The following ZNF33B variants were observed in gnomAD, a reference collection of about 807,000 sequenced individuals.
ZNF33B encodes zinc finger protein 33B.
ZNF33B carries 29 observed loss-of-function variants against 45.8 expected under a neutral mutation model. The ratio of observed to expected loss-of-function variants is 0.63; its 90% CI spans 0.47 to 0.86. The LOEUF (loss-of-function observed/expected upper bound fraction) is 0.86, where lower values mean the gene tolerates loss of function less well. Among genes scored for constraint, ZNF33B ranks in the 40% least tolerant of loss-of-function variants. The probability of loss-of-function intolerance (pLI) is 0.00; values close to 1 mark genes in which losing one functional copy is unlikely to be tolerated. For missense variants in ZNF33B, 831 were observed against 909.9 expected, an observed-to-expected ratio of 0.91 and a Z score of 1.12; for synonymous variants, 305 against 307.8, an observed-to-expected ratio of 0.99 and a Z score of 0.10.
intron 4 of ZNF33B, among the ~76,000 whole-genome samples, chr10:42,598,432 C>G (rs982112712): frequency 6.6e-6 from 1 of 152,242 alleles, no homozygotes; most frequent in African/African-American, 2.4e-5. Flanking sequence ...CACCCACACA[C>G]AATTCCAGAA....
At chr10:42,584,525 C>T (rs1418906355), downstream of ZNF33B, among the ~76,000 whole-genome samples, 20 of 143,892 alleles carry the variant, frequency 1.4e-4, no homozygotes, top group Non-Finnish European at 1.5e-5. Flanking sequence ...TTCCTTTGAG[C>T]TTTTTTTTTT....
intron 1 of ZNF33B, among the ~76,000 whole-genome samples, chr10:42,581,425 T>C (rs559254685): frequency 4.2e-5 from 6 of 142,372 alleles, no homozygotes; most frequent in East Asian, 2.1e-4. Context: ...GATCGCACCA[T>C]TGCACTCCAG....
At chr10:42,629,873 G>A (rs1177138672) in intron 4 of ZNF33B, among the ~76,000 whole-genome samples, 3 of 152,102 alleles carry the variant, frequency 2.0e-5, no homozygotes, top group East Asian at 1.9e-4. Context: ...ATGTACATAT[G>A]TAAGTTATCA....
chr10:42,607,582 T>C (rs761890372), intron 4 of ZNF33B, among the ~76,000 whole-genome samples: 3 of 151,950 alleles, frequency 2.0e-5, no homozygotes, highest in African/African-American at 4.8e-5. Context: ...ATAAAAGGAA[T>C]AGAGTATCAA....
intron 4 of ZNF33B, among the ~76,000 whole-genome samples, chr10:42,613,457 A>G (rs7097647): frequency 0.041 from 6,167 of 152,150 alleles, 188 homozygotes; most frequent in Non-Finnish European, 0.057. Context: ...CTGAAGCAGG[A>G]GAAATACCTG....
chr10:42,580,484 C>G (rs1236405338), intron 1 of ZNF33B, among the ~76,000 whole-genome samples: 7 of 151,662 alleles, frequency 4.6e-5, no homozygotes, highest in African/African-American at 1.5e-4. Context: ...GTGATCCCCC[C>G]ACCTTGGCCT....
Position 42,638,546 on chromosome 10 carries a change from C to T in ZNF33B, c.-117G>A, listed in dbSNP as rs1191673227. 6.3e-6 allele frequency: 3 copies of T among 479,062 alleles called. No homozygotes were observed. Among genetic ancestry groups the T allele is most frequent in the African/African-American group, 2.0e-5 (1 of 50,750 alleles). 29.7% of individuals were successfully genotyped at this position (479,062 alleles called of 1,614,324 possible). A position where few individuals can be genotyped will look rare whatever the true frequency, so the allele number is the denominator to read the frequency against. Reference sequence around the variant, plus strand: ...CCTGAAATCCCGGGACCGCCTCCCACGCAAAACGTGAGACAAACAAAAGGA... The same window carrying T: ...CCTGAAATCCCGGGACCGCCTCCCATGCAAAACGTGAGACAAACAAAAGGA... On this transcript the variant is annotated 5_prime_UTR_variant, in exon 1 of 5. In the 5' UTR this introduces an upstream ATG that the reference lacks. Transcript: ENST00000359467.
rs184058148 is a variant in ZNF33B, at chr10:42,627,972, T to C, written c.250+3957A>G. The stretch of plus-strand genomic sequence containing the variant: ...ATGGTCTATCTTTCTGAATATTCCA[T>C]GGACACTTGAGAAAAAAATTGTATT... On this transcript the variant is annotated intron_variant, in intron 4 of 4. Coordinates refer to ENST00000359467, the MANE Select transcript of ZNF33B (RefSeq NM_006955.3). 8.3e-4 allele frequency among the ~76,000 whole-genome samples: 127 copies of C among 152,306 alleles called. 1 individual carries two copies. In the Middle Eastern group the frequency reaches 0.024, roughly 29 times the overall value.
chr10:42,586,911 G>T (rs1836947316), downstream of ZNF33B, among the ~76,000 whole-genome samples: 1 of 152,128 alleles, frequency 6.6e-6, no homozygotes, highest in Admixed American at 6.5e-5. Flanking sequence ...ATCTCTGGAG[G>T]CAGGGAAGTC....
At position 42,632,373 on chromosome 10, in the gene ZNF33B, A is replaced by T. The variant is rs1314015969; in HGVS notation, c.76T>A (p.Trp26Arg). 12 of 1,613,504 alleles carry T rather than the reference A, an allele frequency of 7.4e-6. No individual in the cohort carries two copies. The highest frequency in any genetic ancestry group is 1.0e-5 in the Non-Finnish European group (12 of 1,179,874). The part of the protein sequence containing the change: ...DVTVGFTQEE[W>R]QHLDPSQRAL... Reference sequence around the variant, plus strand: ...CTCTGACTAGGGTCCAGGTGCTGCCACTCCTCCTGGGTGAAGCCCACAGTC... The same window carrying T: ...CTCTGACTAGGGTCCAGGTGCTGCCTCTCCTCCTGGGTGAAGCCCACAGTC... The change falls in exon 3 of 5, where the codon TGG (tryptophan) becomes AGG (arginine). Residue 26 changes from tryptophan (W) to arginine (R), a missense_variant. Coordinates refer to ENST00000359467, the MANE Select transcript of ZNF33B (RefSeq NM_006955.3).
intron 4 of ZNF33B, among the ~76,000 whole-genome samples, chr10:42,617,697 C>T (rs1301196490): frequency 1.3e-5 from 2 of 152,146 alleles, no homozygotes; most frequent in Non-Finnish European, 2.9e-5. Context: ...TAACTACAGC[C>T]ATCTCCCACC....
Position 42,591,103 on chromosome 10 carries a change from G to T in ZNF33B, c.*1510C>A. On this transcript the variant is annotated 3_prime_UTR_variant, in exon 5 of 5. Transcript: ENST00000359467. ...GTCAATAAAAGCCCCATGCCAGCTT[G>T]ATTCTGGCTCTTCTCCAGCCTCAAC... The T allele has an allele frequency of 3.7e-6, 1 of 270,560 alleles. No individual in the cohort carries two copies. Among genetic ancestry groups the T allele is most frequent in the Non-Finnish European group, 5.7e-6 (1 of 176,396 alleles). The allele number at this position is 270,560 out of a possible 1,614,324, so 16.8% of individuals were successfully genotyped here. A position where few individuals can be genotyped will look rare whatever the true frequency, so the allele number is the denominator to read the frequency against.
At chr10:42,617,092 CTTTTTTTTTTTTTT>C (rs199977911) in intron 4 of ZNF33B, among the ~76,000 whole-genome samples, 2 of 61,198 alleles carry the variant, frequency 3.3e-5, no homozygotes, top group Admixed American at 2.3e-4. Flanking sequence ...CATTTTTTCT[CTTTTTTTTTTTTTT>C]TTTTTTTTTT....
intron 4 of ZNF33B, among the ~76,000 whole-genome samples, chr10:42,615,069 A>C (rs920606546): frequency 8.5e-5 from 13 of 152,222 alleles, no homozygotes; most frequent in African/African-American, 3.1e-4. Context: ...CAATAATATT[A>C]ATAAAAAGTG....
At chr10:42,616,735 C>T (rs1353477091) in intron 4 of ZNF33B, among the ~76,000 whole-genome samples, 1 of 152,070 alleles carries the variant, frequency 6.6e-6, no homozygotes, top group Non-Finnish European at 1.5e-5. Flanking sequence ...CTCGCTCTGT[C>T]GCCAGGCTGG....
In ZNF33B at chr10:42,593,030, A is replaced by G. The variant is rs1837209451; in HGVS notation, c.1920T>C (p.Asn640=). The change falls in exon 5 of 5, where the codon AAT becomes AAC. Residue 640 remains asparagine (N), a synonymous_variant. Coordinates refer to ENST00000359467, the MANE Select transcript of ZNF33B (RefSeq NM_006955.3). ...IHIGEKPYEC[N]ECGKAFCHKS... is the part of the protein sequence containing the mutation. ...TATGGCAGAAAGCTTTTCCACACTC[A>G]TTACATTCATAGGGTTTCTCCCCTA... is the stretch of plus-strand genomic sequence containing the variant. 1 of 1,614,072 alleles carries G rather than the reference A, an allele frequency of 6.2e-7. No individual in the cohort carries two copies. The highest frequency in any genetic ancestry group is 1.1e-5 in the South Asian group (1 of 91,080).
chr10:42,609,045 TA>T (rs1263619570), intron 4 of ZNF33B, among the ~76,000 whole-genome samples: 3 of 152,028 alleles, frequency 2.0e-5, no homozygotes, highest in African/African-American at 7.2e-5. Context: ...CAAAAACGAC[TA>T]AAACCAACTC....
At chr10:42,624,697 A>G (rs1838726548) in intron 4 of ZNF33B, among the ~76,000 whole-genome samples, 1 of 149,342 alleles carries the variant, frequency 6.7e-6, no homozygotes, top group African/African-American at 2.5e-5. Context: ...GTGACAGTAA[A>G]TAATCAAGAC....
intron 4 of ZNF33B, among the ~76,000 whole-genome samples, chr10:42,601,903 ATAT>A (rs1650125292): frequency 3.1e-5 from 4 of 130,834 alleles, no homozygotes; most frequent in South Asian, 2.4e-4. Flanking sequence ...GCTCTATGTG[ATAT>A]TCTTTTTTTT....
Sources: gnomAD v4.1 joint callset for allele counts (sites outside exome capture counted in the v4.1 genomes callset) on GRCh38, gnomAD v4.1.1 for gene constraint, MANE v1.5 for transcripts, NCBI Gene and HGNC (gene_info 2026-07-23, HGNC 2026-07-21) for gene names.